Variants in GSE1 observed in about 807,000 individuals in gnomAD.
GSE1 encodes the protein genetic suppressor element 1.
GSE1 carries 32 observed loss-of-function variants against 112.6 expected under a neutral mutation model. That is an observed-to-expected ratio of 0.28 (90% CI 0.21 to 0.38). GSE1 has a LOEUF of 0.38. Ranked by LOEUF, GSE1 falls within the 10% of genes least tolerant of loss-of-function variation. The pLI is 1.00. For synonymous variants in GSE1, 1,115 were observed against 735.6 expected (o/e 1.52, Z -8.35); for missense variants, 2,348 against 1,699.2 (o/e 1.38, Z -6.71).
upstream of GSE1, among the ~76,000 whole-genome samples, chr16:85,608,518 T>G (rs113661090): frequency 2.8e-3 from 419 of 151,458 alleles, 2 homozygotes; most frequent in Non-Finnish European, 4.7e-3. Flanking sequence ...TGAAACCGCT[T>G]GAGACCTGTC....
chr16:85,613,062 G>T, upstream of GSE1: 1 of 474,216 alleles, frequency 2.1e-6, no homozygotes, highest in Non-Finnish European at 3.4e-6. Flanking sequence ...CCGGGGAGGG[G>T]CGTGTGCCTG....
chr16:85,590,799 T>A (rs2046972378), intron 1 of GSE1, among the ~76,000 whole-genome samples: 1 of 152,186 alleles, frequency 6.6e-6, no homozygotes, highest in African/African-American at 2.4e-5. Flanking sequence ...ACCATTTGGC[T>A]CTGTGACCCT....
At chr16:85,334,092 T>G (rs1334124261) in intron 1 of GSE1, among the ~76,000 whole-genome samples, 2 of 152,220 alleles carry the variant, frequency 1.3e-5, no homozygotes, top group Non-Finnish European at 2.9e-5. Flanking sequence ...CCCCTGCTCC[T>G]GCCCTCACCA....
chr16:85,607,502 G>A (rs192705365), upstream of GSE1, among the ~76,000 whole-genome samples: 4 of 152,356 alleles, frequency 2.6e-5, no homozygotes, highest in East Asian at 7.7e-4. Flanking sequence ...TGTGCGGGGT[G>A]CGGATTGGAA....
chr16:85,427,420 G>A (rs2049018880), intron 2 of GSE1, among the ~76,000 whole-genome samples: 1 of 152,162 alleles, frequency 6.6e-6, no homozygotes, highest in Non-Finnish European at 1.5e-5. Context: ...GGTGGGTGGA[G>A]CACCTGAGAC....
chr16:85,180,242 G>T (rs2074554563), intron 1 of GSE1, among the ~76,000 whole-genome samples: 1 of 152,250 alleles, frequency 6.6e-6, no homozygotes, highest in African/African-American at 2.4e-5. Flanking sequence ...GGCCGGGGTT[G>T]GTATTCTGCC....
intron 2 of GSE1, among the ~76,000 whole-genome samples, chr16:85,534,013 C>T (rs1199713106): frequency 2.0e-5 from 3 of 152,190 alleles, no homozygotes; most frequent in Non-Finnish European, 4.4e-5. Context: ...AATGCTGTCA[C>T]TCCAGAACGT....
intron 2 of GSE1, among the ~76,000 whole-genome samples, chr16:85,512,453 C>T (rs2051780109): frequency 6.6e-6 from 1 of 152,240 alleles, no homozygotes; most frequent in Admixed American, 6.5e-5. Context: ...CAAATCCTGG[C>T]TGTGCCATCC....
rs573227384 is a variant in GSE1 at position 85,665,614 on chromosome 16, T to C, written c.2759-362T>C. ...TCCTCTTACAGTTCTGGCTGGCCTCTGCCCTGTCAGATGTCAGAGGGAATC... is the reference window on the plus strand; with the variant it reads ...TCCTCTTACAGTTCTGGCTGGCCTCCGCCCTGTCAGATGTCAGAGGGAATC... On this transcript the variant is annotated intron_variant, in intron 12 of 15. Coordinates refer to ENST00000253458, the MANE Select transcript of GSE1 (RefSeq NM_014615.5). Among the ~76,000 whole-genome samples the C allele has an allele frequency of 3.9e-5, 6 of 152,322 alleles. No homozygotes were observed. The South Asian group carries it at 1.0e-3, about 26-fold the overall frequency.
upstream of GSE1, among the ~76,000 whole-genome samples, chr16:85,612,193 G>C (rs1399751908): frequency 6.7e-6 from 1 of 149,720 alleles, no homozygotes; most frequent in Non-Finnish European, 1.5e-5. Context: ...CCCGAGGCCC[G>C]CCCCTTTAAC....
At chr16:85,516,377 C>T (rs1390004760) in intron 2 of GSE1, among the ~76,000 whole-genome samples, 1 of 147,078 alleles carries the variant, frequency 6.8e-6, no homozygotes, top group Non-Finnish European at 1.5e-5. Context: ...GTGGTGTGGC[C>T]CGGGGTGGTG....
chr16:85,282,852 T>C (rs2044895856), intron 1 of GSE1: 2 of 152,298 alleles, frequency 1.3e-5, no homozygotes, highest in Non-Finnish European at 2.9e-5. Flanking sequence ...ACCTTGTGGC[T>C]TACAACCACA....
chr16:85,384,713 G>C (rs8182104), intron 2 of GSE1, among the ~76,000 whole-genome samples: 66,694 of 152,138 alleles, frequency 0.44, 15,837 homozygotes, highest in East Asian at 0.78. Flanking sequence ...CTGTTCTTCA[G>C]GGACCTTGAT....
At chr16:85,667,569 T>G (rs2052973880) in intron 13 of GSE1, among the ~76,000 whole-genome samples, 1 of 152,192 alleles carries the variant, frequency 6.6e-6, no homozygotes, top group African/African-American at 2.4e-5. Flanking sequence ...CTCAAAGAGA[T>G]GGAGGCAGCC....
chr16:85,328,442 A>C (rs2046270955), intron 1 of GSE1, among the ~76,000 whole-genome samples: 1 of 152,178 alleles, frequency 6.6e-6, no homozygotes, highest in Non-Finnish European at 1.5e-5. Flanking sequence ...TTTTCCAACA[A>C]AGGAAGCCTG....
intron 11 of GSE1, 48 bp from the exon 12 acceptor site, chr16:85,664,966 CA>C (rs1567756902): frequency 2.4e-6 from 3 of 1,253,136 alleles, no homozygotes; most frequent in Non-Finnish European, 3.5e-6. Flanking sequence ...TCCTTCTCTC[CA>C]AAAAATGATG....
intron 2 of GSE1, among the ~76,000 whole-genome samples, chr16:85,385,879 G>A (rs866068883): frequency 2.6e-5 from 4 of 152,196 alleles, no homozygotes; most frequent in Admixed American, 1.3e-4. Context: ...AGCTTGAGAC[G>A]GGGCGTGCAC....
intron 2 of GSE1, among the ~76,000 whole-genome samples, chr16:85,387,484 G>C (rs954445297): frequency 3.3e-5 from 5 of 152,192 alleles, no homozygotes; most frequent in Non-Finnish European, 7.3e-5. Flanking sequence ...GAACTTTGCG[G>C]GACTGGCTTC....
At chr16:85,225,069 T>TG (rs2075460640) in intron 1 of GSE1, among the ~76,000 whole-genome samples, 1 of 151,708 alleles carries the variant, frequency 6.6e-6, no homozygotes, top group Non-Finnish European at 1.5e-5. Context: ...AGGTGGAAGT[T>TG]GCAGTGAGCC....
Sources: allele counts gnomAD v4.1 joint callset (sites outside exome capture counted in the v4.1 genomes callset), GRCh38; gene constraint gnomAD v4.1.1; transcripts MANE v1.5; gene names NCBI Gene and HGNC (gene_info 2026-07-23, HGNC 2026-07-21).